The following ATG7 variants were observed in gnomAD, a reference collection of about 807,000 sequenced individuals.
ATG7 encodes ubiquitin-like modifier-activating enzyme ATG7.
In ATG7, 70 loss-of-function variants were observed where a neutral mutation model predicts 82.4. The observed-to-expected ratio is 0.85, with a 90% CI of 0.70 to 1.04. The LOEUF is 1.04. Among genes scored for constraint, ATG7 ranks in the 50% least tolerant of loss-of-function variants. ATG7 has a pLI of 0.00. For missense variants in ATG7, 792 were observed against 864.3 expected, an observed-to-expected ratio of 0.92 and a Z score of 1.05; for synonymous variants, 287 against 313.0, an observed-to-expected ratio of 0.92 and a Z score of 0.88.
intron 13 of ATG7, among the ~76,000 whole-genome samples, chr3:11,343,502 G>A (rs1418517595): frequency 6.6e-6 from 1 of 151,874 alleles, no homozygotes; most frequent in Non-Finnish European, 1.5e-5. Context: ...CCTTTTTTCT[G>A]TAATATGATG....
chr3:11,311,734 C>T (rs1308480405), intron 7 of ATG7, among the ~76,000 whole-genome samples: 1 of 151,784 alleles, frequency 6.6e-6, no homozygotes. Flanking sequence ...TTTTGCTTTC[C>T]TTCTGCTGTT....
In ATG7 at chr3:11,417,800, A is replaced by ATTATTTTTTTT. The variant is rs1553652380; in HGVS notation, c.1957-9002_1957-9001insATTTTTTTTTT. The stretch of plus-strand genomic sequence containing the variant: ...CATTTAAAAAATTATTATTATTATT[A>ATTATTTTTTTT]TTTTATTTTATTTTATTTTTTTTTT... On this transcript the variant is annotated intron_variant, in intron 19 of 20. Transcript: ENST00000693202. Among the ~76,000 whole-genome samples, 71 of 109,338 alleles carry ATTATTTTTTTT rather than the reference A, an allele frequency of 6.5e-4. 7 individuals carry two copies. The highest frequency in any genetic ancestry group is 3.3e-3 in the Admixed American group (31 of 9,336). The allele number at this position is 109,338 out of a possible 152,430, so 71.7% of individuals were successfully genotyped here.
At chr3:11,546,661 T>A (rs1220334365) in intron 20 of ATG7, among the ~76,000 whole-genome samples, 1 of 152,196 alleles carries the variant, frequency 6.6e-6, no homozygotes, top group Non-Finnish European at 1.5e-5. Context: ...TTCAAACTCG[T>A]CTGTCTCCTT....
At position 11,358,412 on chromosome 3, in the gene ATG7, C is replaced by G. The variant is rs759419730; in HGVS notation, c.1285-6C>G. 2 of 1,609,728 alleles carry G rather than the reference C, an allele frequency of 1.2e-6. No homozygotes were observed. Among genetic ancestry groups the G allele is most frequent in the African/African-American group, 2.7e-5 (2 of 74,660 alleles). The stretch of plus-strand genomic sequence containing the variant: ...CAGACATAACTACGTCCTGGTGTTT[C>G]CCTAGAATGCCAGAGGATTCAACAT... On this transcript the variant is annotated splice_polypyrimidine_tract_variant and splice_region_variant and intron_variant, in intron 14 of 20. Transcript: ENST00000693202.
At chr3:11,485,281 C>T (rs1439750848) in intron 20 of ATG7, among the ~76,000 whole-genome samples, 1 of 152,200 alleles carries the variant, frequency 6.6e-6, no homozygotes, top group African/African-American at 2.4e-5. Context: ...TTGCATTTCT[C>T]TGATAGCCAG....
chr3:11,413,415 G>A (rs779217537), intron 19 of ATG7, among the ~76,000 whole-genome samples: 18 of 152,244 alleles, frequency 1.2e-4, no homozygotes, highest in Non-Finnish European at 1.9e-4. Flanking sequence ...CAATCGAGAT[G>A]ATTGTGTGGC....
rs2125077808 is a variant in ATG7 at position 11,555,157 on chromosome 3, C to A, written c.*314C>A. The A allele has an allele frequency of 2.5e-6, 1 of 393,088 alleles. No individual in the cohort carries two copies. Among genetic ancestry groups the A allele is most frequent in the Non-Finnish European group, 4.6e-6 (1 of 218,384 alleles). The allele number at this position is 393,088 out of a possible 1,614,324, so 24.4% of individuals were successfully genotyped here. ...ATCCCCCAGGATCCTTTCCCCTTGG[C>A]CCTGAGGGGGTGACCCAACACAGAC... On this transcript the variant is annotated 3_prime_UTR_variant, in exon 21 of 21. Coordinates refer to ENST00000693202, the MANE Select transcript of ATG7 (RefSeq NM_001349232.2).
intron 20 of ATG7, among the ~76,000 whole-genome samples, chr3:11,543,110 AG>A (rs147284332): frequency 0.035 from 5,330 of 152,304 alleles, 111 homozygotes; most frequent in African/African-American, 0.055. Context: ...GTGCAGGAGC[AG>A]CCCCACCCTG....
intron 18 of ATG7, among the ~76,000 whole-genome samples, chr3:11,379,441 G>A (rs2077701426): frequency 2.6e-5 from 4 of 152,122 alleles, no homozygotes; most frequent in Admixed American, 1.3e-4. Flanking sequence ...TAAATCTGAT[G>A]ATGTTTTACA....
intron 3 of ATG7, among the ~76,000 whole-genome samples, chr3:11,287,860 C>T (rs911774614): frequency 6.6e-6 from 1 of 152,216 alleles, no homozygotes; most frequent in Non-Finnish European, 1.5e-5. Context: ...TTCCTCAAAA[C>T]AAAATATACT....
rs538359737 is a variant in ATG7 at position 11,420,998 on chromosome 3, G to A, written c.1957-5806G>A. On this transcript the variant is annotated intron_variant, in intron 19 of 20. Coordinates refer to ENST00000693202, the MANE Select transcript of ATG7 (RefSeq NM_001349232.2). ...TCTCAATCTCCTGACCTCGTGATCC[G>A]CCTGCCTCAGCCTCCCAAAGTGCTG... 3.3e-5 allele frequency among the ~76,000 whole-genome samples: 5 copies of A among 152,026 alleles called. No individual in the cohort carries two copies. The East Asian group carries it at 9.7e-4, about 30-fold the overall frequency.
At chr3:11,471,692 CT>C (rs372088418) in intron 20 of ATG7, among the ~76,000 whole-genome samples, 98 of 116,310 alleles carry the variant, frequency 8.4e-4, no homozygotes, top group Admixed American at 1.1e-3. Flanking sequence ...TATTCCAACT[CT>C]TTTTTTTTTT....
chr3:11,308,284 C>T (rs184855658), intron 6 of ATG7, among the ~76,000 whole-genome samples: 6 of 152,346 alleles, frequency 3.9e-5, no homozygotes, highest in Non-Finnish European at 8.8e-5. Context: ...TCTACAAAAA[C>T]ATCTTGTGAT....
At chr3:11,533,099 C>T (rs2092723207) in intron 20 of ATG7, among the ~76,000 whole-genome samples, 1 of 152,184 alleles carries the variant, frequency 6.6e-6, no homozygotes, top group Non-Finnish European at 1.5e-5. Context: ...GTGCGCAGAG[C>T]AGACAGTGGA....
At chr3:11,309,207 T>C (rs1948245211) in intron 7 of ATG7, 146 bp downstream of exon 7, 1 of 826,698 alleles carries the variant, frequency 1.2e-6, no homozygotes, top group East Asian at 2.5e-5. Flanking sequence ...CTCATTTGAT[T>C]AGTGGCCAGA....
intron 19 of ATG7, among the ~76,000 whole-genome samples, chr3:11,421,836 T>C (rs2152933361): frequency 6.6e-6 from 1 of 152,320 alleles, no homozygotes. Context: ...GCTGCAGAAA[T>C]GGATATTGTC....
chr3:11,554,639 G>A (rs1190412134), intron 20 of ATG7, among the ~76,000 whole-genome samples, 172 bp from the exon 21 acceptor site: 1 of 152,170 alleles, frequency 6.6e-6, no homozygotes, highest in East Asian at 1.9e-4. Context: ...GTGACGCCTT[G>A]GCAAGTCTGA....
chr3:11,445,511 A>G (rs1445089972), intron 20 of ATG7, among the ~76,000 whole-genome samples: 1 of 152,114 alleles, frequency 6.6e-6, no homozygotes, highest in Non-Finnish European at 1.5e-5. Flanking sequence ...GGAACAACAC[A>G]CACTAGGGTC....
chr3:11,532,923 T>C (rs2092720097), intron 20 of ATG7, among the ~76,000 whole-genome samples: 1 of 152,210 alleles, frequency 6.6e-6, no homozygotes, highest in African/African-American at 2.4e-5. Flanking sequence ...TTGTTATCTT[T>C]GCACCACCCC....
Sources: gnomAD v4.1 joint callset for allele counts (sites outside exome capture counted in the v4.1 genomes callset) on GRCh38, gnomAD v4.1.1 for gene constraint, MANE v1.5 for transcripts, NCBI Gene and HGNC (gene_info 2026-07-23, HGNC 2026-07-21) for gene names.